HTRA3: variants seen among roughly 807,000 people sequenced by gnomAD.
HTRA3 encodes the protein HtrA serine peptidase 3.
Under a neutral mutation model 43.2 loss-of-function variants are expected in HTRA3, and 41 were observed. That is an observed-to-expected ratio of 0.95 (90% CI 0.74 to 1.23). HTRA3 has a LOEUF of 1.23. Among genes scored for constraint, HTRA3 ranks in the 50% most tolerant of loss-of-function variants. The pLI, the probability that HTRA3 is intolerant of heterozygous loss-of-function variation, is 0.00. For synonymous variants in HTRA3, 295 were observed against 287.9 expected (o/e 1.02, Z -0.25); for missense variants, 628 against 647.1 (o/e 0.97, Z 0.32).
At chr4:8,274,700 C>T (rs904749783) in intron 1 of HTRA3, among the ~76,000 whole-genome samples, 1 of 152,172 alleles carries the variant, frequency 6.6e-6, no homozygotes, top group Admixed American at 6.5e-5. Flanking sequence ...GGGATAAATG[C>T]GTTTCTGAGG....
At position 8,279,447 on chromosome 4, in the gene HTRA3, C is replaced by T. The variant is rs980291995; in HGVS notation, c.386-2990C>T. ...GGGAGAAAGTCCTTCCGGTGGAGGC[C>T]GCAGTGCTGTGCAGATCTTCAGGCT... On this transcript the variant is annotated intron_variant, in intron 1 of 8. Transcript: ENST00000307358. The surrounding 1 kb of genome is among the most constrained non-coding windows in gnomAD (Gnocchi z 7.4). Among the ~76,000 whole-genome samples the T allele has an allele frequency of 3.3e-5, 5 of 152,108 alleles. No individual in the cohort carries two copies. Among genetic ancestry groups the T allele is most frequent in the South Asian group, 2.1e-4 (1 of 4,816 alleles).
intron 1 of HTRA3, among the ~76,000 whole-genome samples, chr4:8,272,753 G>T (rs1160029031): frequency 1.3e-5 from 2 of 152,246 alleles, no homozygotes; most frequent in African/African-American, 4.8e-5. Flanking sequence ...CATGGGCAAG[G>T]CAGAGACCTG....
rs889558137 is a variant in HTRA3 at position 8,286,385 on chromosome 4, G to A, written c.486-176G>A. ...ATGGCTGTGAATGGGTGCAGGCGCC[G>A]GTGACTTGGCCAGGTCACAGGGCCA... On this transcript the variant is annotated intron_variant, in intron 2 of 8. Transcript: ENST00000307358. This position sits in a 1 kb window ranked among gnomAD's most constrained non-coding sequence, Gnocchi z 4.9. 2.0e-5 allele frequency among the ~76,000 whole-genome samples: 3 copies of A among 152,020 alleles called. No homozygotes were observed. The highest frequency in any genetic ancestry group is 4.1e-4 in the South Asian group (2 of 4,822).
At chr4:8,288,825 C>G (rs1578798529) in intron 3 of HTRA3, among the ~76,000 whole-genome samples, 1 of 151,860 alleles carries the variant, frequency 6.6e-6, no homozygotes, top group African/African-American at 2.4e-5. Context: ...CCTGCCTTGG[C>G]CTCCCAAAGT....
chr4:8,293,337 G>A (rs948407392), intron 5 of HTRA3, among the ~76,000 whole-genome samples: 2 of 152,160 alleles, frequency 1.3e-5, no homozygotes, highest in Non-Finnish European at 2.9e-5. Context: ...GCCGAGGGTG[G>A]ACACAGAACT....
At chr4:8,298,739 T>C (rs1713540335) in intron 6 of HTRA3, among the ~76,000 whole-genome samples, 1 of 152,236 alleles carries the variant, frequency 6.6e-6, no homozygotes, top group African/African-American at 2.4e-5. Flanking sequence ...GGAAATTCAG[T>C]TGTTCTAGCA....
rs186537945 is a variant in HTRA3 at position 8,296,245 on chromosome 4, C to T, written c.1051+2044C>T. Reference sequence around the variant, plus strand: ...GATCCCCCTGGGGCCTAGGTTTGCTCCTTTGTTGTACAGGGGCTGTCCCAG... The same window carrying T: ...GATCCCCCTGGGGCCTAGGTTTGCTTCTTTGTTGTACAGGGGCTGTCCCAG... On this transcript the variant is annotated intron_variant, in intron 6 of 8. Coordinates refer to ENST00000307358, the MANE Select transcript of HTRA3 (RefSeq NM_053044.5). This position sits in a 1 kb window ranked among gnomAD's most constrained non-coding sequence, Gnocchi z 5.3. 3,135 of 985,676 alleles carry T rather than the reference C, an allele frequency of 3.2e-3. 9 individuals are homozygous for T. Among genetic ancestry groups the T allele is most frequent in the Non-Finnish European group, 3.7e-3 (3,037 of 830,096 alleles). The allele number at this position is 985,676 out of a possible 1,614,324, so 61.1% of individuals were successfully genotyped here.
chr4:8,283,253 G>A (rs1291873851), intron 2 of HTRA3, among the ~76,000 whole-genome samples: 1 of 152,188 alleles, frequency 6.6e-6, no homozygotes. Flanking sequence ...AGGGAAGCGG[G>A]ATGTCCCAGC....
intron 1 of HTRA3, among the ~76,000 whole-genome samples, chr4:8,272,364 G>T (rs996153290): frequency 1.7e-4 from 25 of 150,162 alleles, no homozygotes; most frequent in African/African-American, 4.9e-4. Context: ...AGAGACAGGT[G>T]CATGGGGAGC....
intron 1 of HTRA3, among the ~76,000 whole-genome samples, chr4:8,271,533 G>A (rs370677222): frequency 3.3e-5 from 5 of 152,318 alleles, no homozygotes; most frequent in East Asian, 1.9e-4. Context: ...AGGGTTTGGC[G>A]GGGAGTCCCA....
rs879486439 is a variant in HTRA3, at chr4:8,269,876, A to AGGCGCCC, written c.-82_-76dup. 1.8e-6 allele frequency: 1 copy of AGGCGCCC among 560,026 alleles called. No individual in the cohort carries two copies. The highest frequency in any genetic ancestry group is 2.0e-5 in the African/African-American group (1 of 48,960). 34.7% of individuals were successfully genotyped at this position (560,026 alleles called of 1,614,324 possible). On this transcript the variant is annotated 5_prime_UTR_variant, in exon 1 of 9. Transcript: ENST00000307358. ...GCGCGTCCGCCCCAGTCCCATCCGTAGGCGCCCGGCGCCCGGCCCCGCAGC... is the reference window on the plus strand; with the variant it reads ...GCGCGTCCGCCCCAGTCCCATCCGTAGGCGCCCGGCGCCCGGCGCCCGGCCCCGCAGC...
Position 8,270,340 on chromosome 4 carries a change from C to T in HTRA3, c.372C>T (p.Gly124=). The T allele has an allele frequency of 4.2e-6, 6 of 1,421,430 alleles. 1 individual carries two copies. The South Asian group carries it at 7.2e-5, about 17-fold the overall frequency. 88.1% of individuals were successfully genotyped at this position (1,421,430 alleles called of 1,614,324 possible). A position where few individuals can be genotyped will look rare whatever the true frequency, so the allele number is the denominator to read the frequency against. The change falls in exon 1 of 9, where the codon GGC becomes GGT. Residue 124 remains glycine, a synonymous_variant. Coordinates refer to ENST00000307358, the MANE Select transcript of HTRA3 (RefSeq NM_053044.5). The part of the protein sequence containing the change: ...SGTPVRQLQK[G]ACPLGLHQLS... Reference sequence around the variant, plus strand: ...CGCCCGTGCGCCAGCTGCAGAAGGGCGCCTGCCCGTTGGGTAAGCGCTCGG... The same window carrying T: ...CGCCCGTGCGCCAGCTGCAGAAGGGTGCCTGCCCGTTGGGTAAGCGCTCGG...
At chr4:8,271,129 G>T (rs1305866726) in intron 1 of HTRA3, among the ~76,000 whole-genome samples, 1 of 152,168 alleles carries the variant, frequency 6.6e-6, no homozygotes, top group African/African-American at 2.4e-5. Context: ...GGCAGGGAGA[G>T]ATGCAGTAGC....
At chr4:8,304,715 T>A (rs1001315092) in intron 8 of HTRA3, among the ~76,000 whole-genome samples, 10 of 139,740 alleles carry the variant, frequency 7.2e-5, no homozygotes, top group African/African-American at 2.7e-4. Flanking sequence ...GAGTGCAGTG[T>A]CGCGATCTCA....
In HTRA3 at chr4:8,296,730, T is replaced by C. The variant is rs1242023259; in HGVS notation, c.1051+2529T>C. On this transcript the variant is annotated intron_variant, in intron 6 of 8. Transcript: ENST00000307358. The surrounding 1 kb of genome is among the most constrained non-coding windows in gnomAD (Gnocchi z 5.3). The stretch of plus-strand genomic sequence containing the variant: ...TGGAGTGGGGCCGTTTGTGGGCATC[T>C]GCCCCTCTGTGGACTGTGGGGAACA... Among the ~76,000 whole-genome samples, 1 of 152,168 alleles carries C rather than the reference T, an allele frequency of 6.6e-6. No homozygotes were observed. Among genetic ancestry groups the C allele is most frequent in the African/African-American group, 2.4e-5 (1 of 41,444 alleles).
intron 1 of HTRA3, among the ~76,000 whole-genome samples, chr4:8,274,862 G>A (rs192765603): frequency 6.6e-6 from 1 of 152,318 alleles, no homozygotes; most frequent in Admixed American, 6.5e-5. Flanking sequence ...TTTAATCACC[G>A]GCTTTTATTG....
At chr4:8,272,524 C>G (rs941284615) in intron 1 of HTRA3, among the ~76,000 whole-genome samples, 1 of 152,238 alleles carries the variant, frequency 6.6e-6, no homozygotes, top group Middle Eastern at 3.2e-3. Context: ...AAGCGGGGAC[C>G]TGCAGGAGAG....
intron 6 of HTRA3, among the ~76,000 whole-genome samples, chr4:8,301,134 C>CT (rs1491056818): frequency 7.7e-6 from 1 of 129,422 alleles, no homozygotes; most frequent in Non-Finnish European, 1.5e-5. Flanking sequence ...GAGTCACACT[C>CT]TTATTAGATT....
chr4:8,295,624 C>T lies in HTRA3; in HGVS notation c.1051+1423C>T, dbSNP rs1011767343. Reference sequence around the variant, plus strand: ...CTCCTGCCATTGTGTCTCCTGTGCCCACCTCCTGGCCAACGCCCAGGCCTG... The same window carrying T: ...CTCCTGCCATTGTGTCTCCTGTGCCTACCTCCTGGCCAACGCCCAGGCCTG... On this transcript the variant is annotated intron_variant, in intron 6 of 8. Transcript: ENST00000307358. The surrounding 1 kb of genome is among the most constrained non-coding windows in gnomAD (Gnocchi z 6.9). The T allele has an allele frequency of 6.6e-6, 8 of 1,205,802 alleles. No individual in the cohort carries two copies. The African/African-American group carries it at 9.4e-5, about 14-fold the overall frequency. 74.7% of individuals were successfully genotyped at this position (1,205,802 alleles called of 1,614,324 possible).
Sources: gnomAD v4.1 joint callset for allele counts (sites outside exome capture counted in the v4.1 genomes callset) on GRCh38, gnomAD v4.1.1 for gene constraint, Gnocchi (gnomAD v3.1) non-coding constraint, MANE v1.5 for transcripts, NCBI Gene and HGNC (gene_info 2026-07-23, HGNC 2026-07-21) for gene names.